The following GRM4 variants were observed in gnomAD, a reference collection of about 807,000 sequenced individuals.
GRM4 encodes the protein glutamate metabotropic receptor 4, also known as metabotropic glutamate receptor 4.
GRM4 carries 28 observed loss-of-function variants against 81.7 expected under a neutral mutation model. That is an observed-to-expected ratio of 0.34 (90% CI 0.25 to 0.47). GRM4 has a LOEUF of 0.47. Ranked by LOEUF, GRM4 falls within the 20% of genes least tolerant of loss-of-function variation. GRM4 has a pLI of 1.00. For missense variants in GRM4, 948 were observed against 1,290.0 expected (o/e 0.73, Z 4.06); for synonymous variants, 488 against 528.8 (o/e 0.92, Z 1.06).
At chr6:34,103,950 C>A (rs1768984563) in intron 2 of GRM4, 1 of 904,600 alleles carries the variant, frequency 1.1e-6, no homozygotes, top group African/African-American at 1.7e-5. Flanking sequence ...CTCTCACACA[C>A]AGGAGGTGCG....
intron 1 of GRM4, among the ~76,000 whole-genome samples, chr6:34,134,371 G>A (rs527539942): frequency 3.3e-5 from 5 of 152,274 alleles, no homozygotes; most frequent in African/African-American, 7.2e-5. Flanking sequence ...TCTGGAACCC[G>A]AGACACTTTG....
chr6:34,028,402 GC>G, intron 9 of GRM4, 36 bp from the exon 10 acceptor site: 1 of 1,586,820 alleles, frequency 6.3e-7, no homozygotes. Context: ...AGCAGGCTCT[GC>G]CCCGACTGAG....
chr6:34,147,916 A>C (rs969374325), upstream of GRM4, among the ~76,000 whole-genome samples: 1 of 152,096 alleles, frequency 6.6e-6, no homozygotes, highest in Admixed American at 6.5e-5. Context: ...GAATGAATGA[A>C]TGAATGAATG....
At chr6:34,075,800 C>T (rs535419528) in intron 3 of GRM4, among the ~76,000 whole-genome samples, 1 of 152,338 alleles carries the variant, frequency 6.6e-6, no homozygotes, top group African/African-American at 2.4e-5. Context: ...TTGTTGGTTT[C>T]CTCCATCAGC....
Position 34,141,045 on chromosome 6 carries a change from T to C in GRM4, c.-364+4955A>G, listed in dbSNP as rs561712516. Among the ~76,000 whole-genome samples the C allele has an allele frequency of 1.6e-4, 24 of 152,356 alleles. No homozygotes were observed. In the East Asian group the frequency reaches 4.4e-3, roughly 28 times the overall value. The stretch of plus-strand genomic sequence containing the variant: ...TCAGGTCGAGTCTCCAATCTTTATT[T>C]CTATATTTAAACCTAAAAATAACCC... On this transcript the variant is annotated intron_variant, in intron 1 of 10. Transcript: ENST00000538487.
Position 34,071,667 on chromosome 6 carries a change from C to T in GRM4, c.737-9639G>A, listed in dbSNP as rs866544191. On this transcript the variant is annotated intron_variant, in intron 3 of 10. Transcript: ENST00000538487. Reference sequence around the variant, plus strand: ...ACACACCCATTCATCAGCACACAGACGCACACCACACACAATCACCACACA... The same window carrying T: ...ACACACCCATTCATCAGCACACAGATGCACACCACACACAATCACCACACA... Among the ~76,000 whole-genome samples, 552 of 56,976 alleles carry T rather than the reference C, an allele frequency of 9.7e-3. 3 individuals are homozygous for T. Among genetic ancestry groups the T allele is most frequent in the African/African-American group, 0.038 (485 of 12,600 alleles). The allele number at this position is 56,976 out of a possible 152,430, so 37.4% of individuals were successfully genotyped here.
At chr6:34,125,409 A>G (rs1769985049) in intron 2 of GRM4, among the ~76,000 whole-genome samples, 1 of 152,066 alleles carries the variant, frequency 6.6e-6, no homozygotes, top group Admixed American at 6.6e-5. Flanking sequence ...CTGGAGAAGA[A>G]AACCAAGGAC....
At chr6:34,103,168 T>C (rs1768929237) in intron 2 of GRM4, among the ~76,000 whole-genome samples, 2 of 152,194 alleles carry the variant, frequency 1.3e-5, no homozygotes, top group African/African-American at 4.8e-5. Context: ...CAGCCTCTTA[T>C]CAGGAAAACA....
chr6:34,095,649 G>C (rs1278867544), intron 2 of GRM4, among the ~76,000 whole-genome samples: 1 of 151,958 alleles, frequency 6.6e-6, no homozygotes, highest in Non-Finnish European at 1.5e-5. Flanking sequence ...TCCTCTGGCA[G>C]CAATCGCCTT....
intron 10 of GRM4, among the ~76,000 whole-genome samples, chr6:34,025,148 C>T (rs1017098477): frequency 1.3e-5 from 2 of 152,186 alleles, no homozygotes; most frequent in African/African-American, 2.4e-5. Flanking sequence ...CTGCTTGTAA[C>T]TTGAGCAAAG....
chr6:34,086,359 C>G (rs1024653664), intron 3 of GRM4, among the ~76,000 whole-genome samples: 2 of 152,198 alleles, frequency 1.3e-5, no homozygotes, highest in South Asian at 4.1e-4. Flanking sequence ...GGAGTCGGAG[C>G]AGGAGGTCAG....
At chr6:34,024,491 C>T in intron 10 of GRM4, 1 of 360,998 alleles carries the variant, frequency 2.8e-6, no homozygotes, top group East Asian at 7.4e-5. Context: ...TCTGGGACCT[C>T]TTTGTCACAG....
intron 3 of GRM4, chr6:34,091,627 A>G: frequency 1.9e-6 from 1 of 538,150 alleles, no homozygotes; most frequent in East Asian, 3.2e-5. Context: ...CTCCTGCACC[A>G]GGGAGGTCAA....
intron 8 of GRM4, among the ~76,000 whole-genome samples, chr6:34,039,384 G>A (rs1456666978): frequency 1.3e-5 from 2 of 152,330 alleles, no homozygotes; most frequent in Non-Finnish European, 2.9e-5. Flanking sequence ...AAGGAGAGTG[G>A]AGGCCAGATG....
At chr6:34,126,067 G>A (rs969545538) in intron 2 of GRM4, among the ~76,000 whole-genome samples, 3 of 152,186 alleles carry the variant, frequency 2.0e-5, no homozygotes, top group Admixed American at 6.5e-5. Flanking sequence ...GTAAACTGAC[G>A]CTTGTAGAGG....
chr6:34,082,069 ACAGATCCCTGTCCAGTGGGAGCCTGCGGG>A (rs1767630103), intron 3 of GRM4, among the ~76,000 whole-genome samples: 2 of 30,236 alleles, frequency 6.6e-5, no homozygotes, highest in African/African-American at 7.9e-4. Flanking sequence ...AGCCTGCGGG[ACAGATCCCTGTCCAGTGGGAGCCTGCGGG>A]ACAGATCCCT....
intron 3 of GRM4, among the ~76,000 whole-genome samples, chr6:34,081,170 C>T (rs571025375): frequency 2.6e-5 from 4 of 152,370 alleles, no homozygotes; most frequent in African/African-American, 9.6e-5. Flanking sequence ...TCATGCAGAA[C>T]TGGCTACAAA....
At chr6:34,097,304 C>T (rs1768576430) in intron 2 of GRM4, among the ~76,000 whole-genome samples, 1 of 151,936 alleles carries the variant, frequency 6.6e-6, no homozygotes, top group African/African-American at 2.4e-5. Context: ...GTGTTCCAGG[C>T]CCAGGGAGCA....
chr6:34,094,113 G>C (rs558568650), intron 2 of GRM4, among the ~76,000 whole-genome samples: 1 of 152,210 alleles, frequency 6.6e-6, no homozygotes, highest in African/African-American at 2.4e-5. Flanking sequence ...GGGTCTCCAA[G>C]ATATTCTGGG....
Sources: allele counts gnomAD v4.1 joint callset (sites outside exome capture counted in the v4.1 genomes callset), GRCh38; gene constraint gnomAD v4.1.1; transcripts MANE v1.5; gene names NCBI Gene and HGNC (gene_info 2026-07-23, HGNC 2026-07-21).